The following F5 variants were observed in gnomAD, a reference collection of about 807,000 sequenced individuals.
F5 encodes activated protein c cofactor.
A neutral mutation model predicts 216.4 loss-of-function variants in F5; 138 were observed. The observed-to-expected ratio is 0.64, with a 90% confidence interval of 0.56 to 0.73. The LOEUF is 0.73. Ranked by LOEUF, F5 falls within the 30% of genes least tolerant of loss-of-function variation. The pLI is 0.00. For missense variants in F5, 2,403 were observed against 2,674.0 expected (o/e 0.90, Z 2.24); for synonymous variants, 916 against 930.7 (o/e 0.98, Z 0.29).
Position 169,525,792 on chromosome 1 carries a change from T to C in F5, c.5716+109A>G, listed in dbSNP as rs908718664. 6 of 843,646 alleles carry C rather than the reference T, an allele frequency of 7.1e-6. No homozygotes were observed. In the African/African-American group the frequency reaches 1.0e-4, roughly 14 times the overall value. The allele number at this position is 843,646 out of a possible 1,614,324, so 52.3% of individuals were successfully genotyped here. On this transcript the variant is annotated intron_variant, in intron 18 of 24. Transcript: ENST00000367797. ...GCAATTATGGCTACAAATTATGCCT[T>C]TGTCACATCAGAGTTCTTAGAGTTG... is the stretch of plus-strand genomic sequence containing the variant.
intron 18 of F5, among the ~76,000 whole-genome samples, chr1:169,525,451 T>C (rs1410809434): frequency 6.6e-6 from 1 of 152,234 alleles, no homozygotes; most frequent in Non-Finnish European, 1.5e-5. Context: ...CCAGCCACTG[T>C]GCTACCTGGA....
intron 23 of F5, among the ~76,000 whole-genome samples, chr1:169,516,958 A>G (rs1420121902): frequency 6.6e-6 from 1 of 152,212 alleles, no homozygotes; most frequent in Admixed American, 6.6e-5. Context: ...AGATTGTAAA[A>G]TGAAGTATGG....
chr1:169,561,304 G>A (rs1468200377), intron 3 of F5, among the ~76,000 whole-genome samples: 3 of 151,786 alleles, frequency 2.0e-5, no homozygotes, highest in East Asian at 1.9e-4. Context: ...GAGCCACAGC[G>A]TCTAACTCCC....
chr1:169,523,356 C>T lies in F5; in HGVS notation c.5893-4G>A. On this transcript the variant is annotated splice_polypyrimidine_tract_variant and splice_region_variant and intron_variant, in intron 20 of 24. Coordinates refer to ENST00000367797, the MANE Select transcript of F5 (RefSeq NM_000130.5). ...TGACTTCCTTTTGCATGTCCACCTG[C>T]AATATAGGAAAGCCAGTAAACAGAA... is the stretch of plus-strand genomic sequence containing the variant. The T allele has an allele frequency of 7.4e-6, 12 of 1,613,924 alleles. No individual in the cohort carries two copies. Among genetic ancestry groups the T allele is most frequent in the Non-Finnish European group, 1.0e-5 (12 of 1,179,906 alleles).
chr1:169,574,150 G>A (rs1449561310), intron 2 of F5, among the ~76,000 whole-genome samples: 1 of 152,062 alleles, frequency 6.6e-6, no homozygotes, highest in Non-Finnish European at 1.5e-5. Context: ...TTTATATAAG[G>A]GACTTGAGCA....
intron 8 of F5, 23 bp downstream of exon 8, chr1:169,552,534 G>A (rs748960109): frequency 6.3e-7 from 1 of 1,598,718 alleles, no homozygotes; most frequent in Non-Finnish European, 8.6e-7. Flanking sequence ...TTTCTCCCAT[G>A]ATTCTGTATT....
intron 23 of F5, among the ~76,000 whole-genome samples, chr1:169,516,452 A>G (rs552634535): frequency 6.6e-6 from 1 of 152,368 alleles, no homozygotes; most frequent in East Asian, 1.9e-4. Flanking sequence ...CATCACCCAC[A>G]CATACATAAG....
chr1:169,524,444 A>T (rs1659387716), intron 19 of F5, among the ~76,000 whole-genome samples: 2 of 152,224 alleles, frequency 1.3e-5, no homozygotes, highest in Non-Finnish European at 2.9e-5. Context: ...AACCCAGAAA[A>T]GATGACTGAG....
In F5 at chr1:169,512,393, T is replaced by G. The variant is rs758760857; in HGVS notation, c.*1920A>C. 6.6e-6 allele frequency among the ~76,000 whole-genome samples: 1 copy of G among 152,068 alleles called. No individual in the cohort carries two copies. Among genetic ancestry groups the G allele is most frequent in the Middle Eastern group, 3.2e-3 (1 of 316 alleles). On this transcript the variant is annotated 3_prime_UTR_variant, in exon 25 of 25. Transcript: ENST00000367797. ...AGATCAAGAGAGATCCTGCCCAATT[T>G]CAGAGTAGAGAAGCCCAGGACTAGC...
In F5 at chr1:169,528,227, G is replaced by A. The variant is rs1182169736; in HGVS notation, c.5420-133C>T. On this transcript the variant is annotated intron_variant, in intron 16 of 24. Coordinates refer to ENST00000367797, the MANE Select transcript of F5 (RefSeq NM_000130.5). Reference sequence around the variant, plus strand: ...TGCATTCCCAGGCCTACCTAGCCATGGAAAGGGCCCTCTTGTATGTCACAT... The same window carrying A: ...TGCATTCCCAGGCCTACCTAGCCATAGAAAGGGCCCTCTTGTATGTCACAT... The A allele has an allele frequency of 7.4e-6, 8 of 1,077,792 alleles. No individual in the cohort carries two copies. The Admixed American group carries it at 1.2e-4, about 16-fold the overall frequency. 66.8% of individuals were successfully genotyped at this position (1,077,792 alleles called of 1,614,324 possible).
chr1:169,557,075 T>C lies in F5; in HGVS notation c.731-208A>G, dbSNP rs2101830596. On this transcript the variant is annotated intron_variant, in intron 5 of 24. Coordinates refer to ENST00000367797, the MANE Select transcript of F5 (RefSeq NM_000130.5). ...AACAAGCAGTGACAACTCATTGTGA[T>C]AAATGGCATTATACAGGTAACAACA... Among the ~76,000 whole-genome samples, 3 of 152,310 alleles carry C rather than the reference T, an allele frequency of 2.0e-5. No individual in the cohort carries two copies. In the Middle Eastern group the frequency reaches 0.01, roughly 518 times the overall value.
intron 6 of F5, among the ~76,000 whole-genome samples, chr1:169,555,565 GA>G (rs1476498699): frequency 7.0e-6 from 1 of 143,416 alleles, no homozygotes; most frequent in East Asian, 2.1e-4. Flanking sequence ...AGGGGTTAGG[GA>G]AAAAATTTGG....
chr1:169,582,544 T>G, intron 1 of F5, 22 bp from the exon 2 acceptor site: 1 of 1,369,012 alleles, frequency 7.3e-7, no homozygotes. Flanking sequence ...ATACAAAAAC[T>G]AATTTGAAAG....
chr1:169,564,827 T>C (rs906084410), intron 3 of F5, among the ~76,000 whole-genome samples: 1 of 152,026 alleles, frequency 6.6e-6, no homozygotes, highest in Non-Finnish European at 1.5e-5. Flanking sequence ...ATCCATTCAA[T>C]AGCAATGAAG....
chr1:169,543,443 G>C (rs758000541), intron 12 of F5, among the ~76,000 whole-genome samples: 2 of 136,004 alleles, frequency 1.5e-5, no homozygotes, highest in Non-Finnish European at 1.7e-5. Context: ...GGGGAAAAAA[G>C]GTCTTTCAGC....
chr1:169,520,437 A>G (rs1571558595), intron 22 of F5, 83 bp downstream of exon 22: 1 of 1,566,418 alleles, frequency 6.4e-7, no homozygotes, highest in Non-Finnish European at 8.8e-7. Context: ...GAAAAGAACT[A>G]AAAATTCTAC....
chr1:169,532,561 T>G (rs1009188158), intron 14 of F5, among the ~76,000 whole-genome samples: 1 of 152,096 alleles, frequency 6.6e-6, no homozygotes, highest in Non-Finnish European at 1.5e-5. Context: ...ATGTACAAAA[T>G]AGCATTTCTA....
chr1:169,545,639 CT>C (rs1253824953), intron 11 of F5, among the ~76,000 whole-genome samples: 1 of 152,176 alleles, frequency 6.6e-6, no homozygotes, highest in Non-Finnish European at 1.5e-5. Flanking sequence ...GAGTAATTTT[CT>C]GTTTGAATTA....
At chr1:169,521,389 C>T (rs947777059) in intron 21 of F5, among the ~76,000 whole-genome samples, 1 of 152,178 alleles carries the variant, frequency 6.6e-6, no homozygotes, top group Non-Finnish European at 1.5e-5. Context: ...TCCCTTCCCA[C>T]CCAGCCACCA....
Sources: gnomAD v4.1 joint callset for allele counts (sites outside exome capture counted in the v4.1 genomes callset) on GRCh38, gnomAD v4.1.1 for gene constraint, MANE v1.5 for transcripts, NCBI Gene and HGNC (gene_info 2026-07-23, HGNC 2026-07-21) for gene names.